The following STX8 variants were observed in gnomAD, a reference collection of about 807,000 sequenced individuals.
The protein encoded by STX8 is syntaxin-8.
In STX8, 23 loss-of-function variants were observed where a neutral mutation model predicts 37.5. That is an observed-to-expected ratio of 0.61 (90% CI 0.44 to 0.87). The LOEUF (loss-of-function observed/expected upper bound fraction) is 0.87. Among genes scored for constraint, STX8 ranks in the 40% least tolerant of loss-of-function variants. The pLI is 0.00. For missense variants in STX8, 313 were observed against 284.7 expected (o/e 1.10, Z -0.71); for synonymous variants, 115 against 99.1 (o/e 1.16, Z -0.95).
intron 6 of STX8, among the ~76,000 whole-genome samples, chr17:9,389,714 T>C (rs1239010438): frequency 2.6e-5 from 4 of 152,172 alleles, no homozygotes; most frequent in Admixed American, 1.3e-4. Context: ...AGTAAAGTCA[T>C]TATGTTATTA....
intron 4 of STX8, among the ~76,000 whole-genome samples, chr17:9,520,816 C>T (rs1905313781): frequency 6.6e-6 from 1 of 152,170 alleles, no homozygotes; most frequent in Non-Finnish European, 1.5e-5. Context: ...CAAGAAGTAG[C>T]TTTCTTTAGC....
At chr17:9,404,411 C>CT (rs1384877280) in intron 6 of STX8, among the ~76,000 whole-genome samples, 2 of 152,042 alleles carry the variant, frequency 1.3e-5, no homozygotes, top group African/African-American at 2.4e-5. Context: ...GCTTTAGTTT[C>CT]AGTGCACATT....
chr17:9,556,762 T>TATATATATACATAC (rs1555537084), intron 3 of STX8: 6 of 7,282 alleles, frequency 8.2e-4, no homozygotes, highest in African/African-American at 2.5e-3. Flanking sequence ...TATATATATA[T>TATATATATACATAC]ATATATATAT....
chr17:9,357,623 G>A (rs1428573690), intron 7 of STX8, among the ~76,000 whole-genome samples: 1 of 152,066 alleles, frequency 6.6e-6, no homozygotes, highest in Non-Finnish European at 1.5e-5. Flanking sequence ...TTGTGCCCAG[G>A]AGGTTGAGGC....
chr17:9,384,794 T>TTGTATGTGTGTGTG (rs1555603812), intron 6 of STX8, among the ~76,000 whole-genome samples: 8 of 147,656 alleles, frequency 5.4e-5, no homozygotes, highest in African/African-American at 1.8e-4. Context: ...CCAGATAGAC[T>TTGTATGTGTGTGTG]TGTGTGTGTG....
chr17:9,413,858 G>C (rs1913058427), intron 6 of STX8, among the ~76,000 whole-genome samples: 1 of 141,798 alleles, frequency 7.1e-6, no homozygotes, highest in Non-Finnish European at 1.5e-5. Flanking sequence ...ATGTACGTAT[G>C]TAAGTATGTA....
intron 6 of STX8, among the ~76,000 whole-genome samples, chr17:9,391,231 A>G (rs911015742): frequency 4.6e-5 from 7 of 152,006 alleles, no homozygotes; most frequent in Non-Finnish European, 1.0e-4. Context: ...AGGCTGGTGG[A>G]TCACTTGAGG....
intron 1 of STX8, among the ~76,000 whole-genome samples, chr17:9,570,307 T>C (rs562322980): frequency 2.9e-4 from 44 of 152,086 alleles, no homozygotes; most frequent in African/African-American, 1.1e-3. Context: ...CTGAGCCAGG[T>C]CCTATACTAA....
chr17:9,475,606 G>T (rs576596134), intron 6 of STX8, among the ~76,000 whole-genome samples: 6 of 152,294 alleles, frequency 3.9e-5, no homozygotes, highest in African/African-American at 1.4e-4. Context: ...AGTGCGCATG[G>T]TGTTGGTGTC....
intron 7 of STX8, among the ~76,000 whole-genome samples, chr17:9,300,337 A>AG (rs1164913911): frequency 6.7e-6 from 1 of 150,238 alleles, no homozygotes; most frequent in East Asian, 1.9e-4. Context: ...ATCTCAAAAA[A>AG]AAAAAAAAAA....
At chr17:9,415,147 AAC>A (rs1913140323) in intron 6 of STX8, among the ~76,000 whole-genome samples, 1 of 152,122 alleles carries the variant, frequency 6.6e-6, no homozygotes, top group Non-Finnish European at 1.5e-5. Flanking sequence ...AATAGGCCTC[AAC>A]ACACAGTTGT....
At chr17:9,440,530 T>A (rs75895998) in intron 6 of STX8, among the ~76,000 whole-genome samples, 10 of 72,884 alleles carry the variant, frequency 1.4e-4, no homozygotes, top group African/African-American at 2.6e-4. Context: ...CAATGATTTT[T>A]TTTTTTTTTT....
At position 9,328,788 on chromosome 17, in the gene STX8, G is replaced by A. The variant is rs147415836; in HGVS notation, c.643+49764C>T. On this transcript the variant is annotated intron_variant, in intron 7 of 7. Coordinates refer to ENST00000306357, the MANE Select transcript of STX8 (RefSeq NM_004853.3). ...GCTGAGGCCGGATGCGGTGGCTCAC[G>A]CCTGTAATCCCAGCACTTTGGGAGG... 5.3e-3 allele frequency among the ~76,000 whole-genome samples: 801 copies of A among 152,176 alleles called. 6 individuals carry two copies. The highest frequency in any genetic ancestry group is 0.018 in the African/African-American group (753 of 41,526).
intron 7 of STX8, among the ~76,000 whole-genome samples, chr17:9,280,085 GTGGTGCA>G (rs1907828404): frequency 6.6e-6 from 1 of 152,188 alleles, no homozygotes; most frequent in Non-Finnish European, 1.5e-5. Context: ...GCCAGGCGTG[GTGGTGCA>G]CGCCTCTAGT....
intron 6 of STX8, among the ~76,000 whole-genome samples, chr17:9,434,177 G>A (rs1249865593): frequency 6.6e-6 from 1 of 152,080 alleles, no homozygotes; most frequent in Non-Finnish European, 1.5e-5. Context: ...CTAATTTTTT[G>A]TATTTTTAGT....
intron 4 of STX8, among the ~76,000 whole-genome samples, chr17:9,517,563 C>A (rs372916445): frequency 2.6e-5 from 4 of 152,106 alleles, no homozygotes; most frequent in African/African-American, 9.7e-5. Flanking sequence ...CAGTGGCTTC[C>A]TCAGGGCCAC....
intron 7 of STX8, among the ~76,000 whole-genome samples, chr17:9,342,299 C>T (rs139455733): frequency 0.01 from 1,565 of 152,278 alleles, 19 homozygotes; most frequent in Admixed American, 0.014. Context: ...GGTACCAGTC[C>T]TGGCCCAGGG....
At chr17:9,458,351 G>A (rs2125352) in intron 6 of STX8, among the ~76,000 whole-genome samples, 147,989 of 152,152 alleles carry the variant, frequency 0.97, 72,008 homozygotes, top group East Asian at 1. Flanking sequence ...GGGTTTCACC[G>A]TGTCAGCCAG....
intron 7 of STX8, among the ~76,000 whole-genome samples, chr17:9,259,863 G>A (rs1354977401): frequency 6.6e-6 from 1 of 152,112 alleles, no homozygotes; most frequent in African/African-American, 2.4e-5. Context: ...GGGGCCCCTA[G>A]GGGAGCCTGT....
Sources: allele counts gnomAD v4.1 joint callset (sites outside exome capture counted in the v4.1 genomes callset), GRCh38; gene constraint gnomAD v4.1.1; transcripts MANE v1.5; gene names NCBI Gene and HGNC (gene_info 2026-07-23, HGNC 2026-07-21).